Variants in KIRREL1 observed in about 807,000 individuals in gnomAD.
The protein encoded by KIRREL1 is kin of IRRE-like protein 1.
Under a neutral mutation model 83.3 loss-of-function variants are expected in KIRREL1, and 25 were observed. That is an observed-to-expected ratio of 0.30 (90% CI 0.22 to 0.42). KIRREL1 has a LOEUF of 0.42. Among genes scored for constraint, KIRREL1 ranks in the 10% least tolerant of loss-of-function variants. The pLI is 1.00. For synonymous variants in KIRREL1, 388 were observed against 410.4 expected (o/e 0.95, Z 0.66); for missense variants, 812 against 1,032.3 (o/e 0.79, Z 2.92).
rs1662389192 is a variant in KIRREL1, at chr1:158,097,666, C to T, written c.*2546C>T. 6.5e-6 allele frequency: 1 copy of T among 153,006 alleles called. No individual in the cohort carries two copies. The highest frequency in any genetic ancestry group is 2.4e-5 in the African/African-American group (1 of 41,454). 9.5% of individuals were successfully genotyped at this position (153,006 alleles called of 1,614,324 possible). On this transcript the variant is annotated 3_prime_UTR_variant, in exon 15 of 15. Transcript: ENST00000359209. ...GCATCAGAATCTGAATTGGAACCTACCTGATGGGCCCAGTGGAATAGCTTT... is the reference window on the plus strand; with the variant it reads ...GCATCAGAATCTGAATTGGAACCTATCTGATGGGCCCAGTGGAATAGCTTT...
chr1:158,094,379 T>A lies in KIRREL1; in HGVS notation c.1786T>A (p.Tyr596Asn). Reference sequence around the variant, plus strand: ...CGACACCATCGACACCCGGGAGGAGTATGAGATGAAGGTGGGAAAGGGGGA... The same window carrying A: ...CGACACCATCGACACCCGGGAGGAGAATGAGATGAAGGTGGGAAAGGGGGA... ...RCDTIDTREE[Y>N]EMKDPTNGYY... Residue 596 changes from tyrosine (Y) to asparagine (N), a missense_variant, in exon 14 of 15, where the codon TAT becomes AAT. Physicochemically the swap from Tyr to Asn is moderately radical, Grantham distance 143. Around this residue, in one of 3 missense-constraint regions of KIRREL1, gnomAD observed 334 missense variants for 383.7 expected, o/e 0.87. Transcript: ENST00000359209. This position sits in a 1 kb window ranked among gnomAD's most constrained non-coding sequence, Gnocchi z 4.6. 6.2e-7 allele frequency: 1 copy of A among 1,609,118 alleles called. No individual in the cohort carries two copies. The highest frequency in any genetic ancestry group is 8.5e-7 in the Non-Finnish European group (1 of 1,178,438).
At chr1:158,052,186 T>A (rs1004835927) in intron 1 of KIRREL1, among the ~76,000 whole-genome samples, 11 of 152,144 alleles carry the variant, frequency 7.2e-5, no homozygotes, top group African/African-American at 2.7e-4. Flanking sequence ...CTCTCTTCTC[T>A]TGAACTCTAG....
chr1:158,065,974 T>C (rs1387973620), intron 1 of KIRREL1, among the ~76,000 whole-genome samples: 1 of 152,198 alleles, frequency 6.6e-6, no homozygotes, highest in Non-Finnish European at 1.5e-5. Context: ...TTTTATCAAA[T>C]TTCCCAACCT....
chr1:158,057,987 A>C (rs1661110788), intron 1 of KIRREL1, among the ~76,000 whole-genome samples: 1 of 152,230 alleles, frequency 6.6e-6, no homozygotes, highest in Admixed American at 6.5e-5. Context: ...AAGCCCTTTG[A>C]TAAGCATGTA....
chr1:158,036,794 G>A (rs1159002158), intron 1 of KIRREL1, among the ~76,000 whole-genome samples: 1 of 152,204 alleles, frequency 6.6e-6, no homozygotes, highest in East Asian at 1.9e-4. Flanking sequence ...GCCTGAAGTA[G>A]GGGATAGAGA....
chr1:158,034,433 A>G (rs762104008), intron 1 of KIRREL1, among the ~76,000 whole-genome samples: 2 of 152,178 alleles, frequency 1.3e-5, no homozygotes, highest in African/African-American at 4.8e-5. Context: ...CCAAGCTTCA[A>G]TAGGATTCTG....
At chr1:158,029,768 G>A (rs1660273003) in intron 1 of KIRREL1, among the ~76,000 whole-genome samples, 1 of 152,218 alleles carries the variant, frequency 6.6e-6, no homozygotes, top group Non-Finnish European at 1.5e-5. Flanking sequence ...AGCTTACTGA[G>A]TCTCAGTTGC....
intron 1 of KIRREL1, among the ~76,000 whole-genome samples, chr1:158,061,358 G>A (rs547241340): frequency 6.6e-6 from 1 of 152,272 alleles, no homozygotes; most frequent in East Asian, 1.9e-4. Flanking sequence ...CAGAGACCAG[G>A]GACAACAGAG....
At chr1:158,031,458 C>T (rs1660325110) in intron 1 of KIRREL1, among the ~76,000 whole-genome samples, 5 of 152,174 alleles carry the variant, frequency 3.3e-5, no homozygotes, top group Admixed American at 3.3e-4. Context: ...CTCAGGTGCC[C>T]TCTAGGCTCA....
At chr1:158,089,870 A>G (rs905552425) in intron 10 of KIRREL1, 52 bp downstream of exon 10, 1 of 1,500,852 alleles carries the variant, frequency 6.7e-7, no homozygotes. Context: ...TTCTTTGCCC[A>G]GGCCCAGCCT....
chr1:158,062,057 A>G, intron 1 of KIRREL1, among the ~76,000 whole-genome samples: 1 of 152,146 alleles, frequency 6.6e-6, no homozygotes, highest in East Asian at 1.9e-4. Flanking sequence ...CTAAAGAGAA[A>G]GTTTCTCCAT....
In KIRREL1 at chr1:158,096,432, C is replaced by G. The variant is rs1005399441; in HGVS notation, c.*1312C>G. ...CACTTTCAGTGCCTTGAGTGTCAAG[C>G]TTTGGATGACCGACCCTATGTGGGC... On this transcript the variant is annotated 3_prime_UTR_variant, in exon 15 of 15. Transcript: ENST00000359209. 1 of 363,526 alleles carries G rather than the reference C, an allele frequency of 2.8e-6. No homozygotes were observed. The highest frequency in any genetic ancestry group is 5.5e-6 in the Non-Finnish European group (1 of 182,732). The allele number at this position is 363,526 out of a possible 1,614,324, so 22.5% of individuals were successfully genotyped here.
chr1:158,093,526 G>T (rs1487690960), intron 12 of KIRREL1, 80 bp downstream of exon 12: 1 of 1,602,540 alleles, frequency 6.2e-7, no homozygotes, highest in African/African-American at 1.3e-5. Flanking sequence ...GGGTGGATGG[G>T]AGGTTGGCCC....
chr1:158,010,396 T>TATACACACAC (rs1659648430), intron 1 of KIRREL1, among the ~76,000 whole-genome samples: 1 of 44,586 alleles, frequency 2.2e-5, no homozygotes, highest in African/African-American at 1.0e-4. Context: ...CACACATGCA[T>TATACACACAC]ACACACACAC....
At position 158,087,769 on chromosome 1, in the gene KIRREL1, AC is replaced by A. The variant is rs1485660589; in HGVS notation, c.679del (p.Leu227CysfsTer37). 1 of 1,613,740 alleles carries A rather than the reference AC, an allele frequency of 6.2e-7. No individual in the cohort carries two copies. The highest frequency in any genetic ancestry group is 1.3e-5 in the African/African-American group (1 of 74,990). ...CTACTTTGCAGACCCTCCTACAGTG[AC>A]CCTGTCCATTGAGCCACAGACGGTG... ...ELDVHHPPTV[T>X]LSIEPQTVQE... On this transcript the variant is annotated frameshift_variant, in exon 6 of 15. Transcript: ENST00000359209. LOFTEE classifies it high-confidence loss of function.
intron 1 of KIRREL1, among the ~76,000 whole-genome samples, chr1:158,057,994 T>C (rs1423345125): frequency 6.6e-6 from 1 of 152,232 alleles, no homozygotes; most frequent in East Asian, 1.9e-4. Context: ...TTGATAAGCA[T>C]GTAATTGCCT....
At chr1:158,092,585 G>C (rs1330784803) in intron 11 of KIRREL1, among the ~76,000 whole-genome samples, 1 of 152,094 alleles carries the variant, frequency 6.6e-6, no homozygotes, top group East Asian at 1.9e-4. Context: ...CTGACCTCAT[G>C]ATTCACCCAC....
At chr1:158,066,458 C>T (rs1158018830) in intron 1 of KIRREL1, among the ~76,000 whole-genome samples, 1 of 152,138 alleles carries the variant, frequency 6.6e-6, no homozygotes, top group Non-Finnish European at 1.5e-5. Flanking sequence ...CTCCTTTGCT[C>T]TCTATTTCTG....
At chr1:158,073,366 A>G (rs1661574636) in intron 1 of KIRREL1, among the ~76,000 whole-genome samples, 1 of 152,216 alleles carries the variant, frequency 6.6e-6, no homozygotes, top group Admixed American at 6.5e-5. Flanking sequence ...TCAGGTTTCC[A>G]GTTGTCCCTC....
Sources: gnomAD v4.1 joint callset for allele counts (sites outside exome capture counted in the v4.1 genomes callset) on GRCh38, gnomAD v4.1.1 for gene constraint, gnomAD v4.1.1 regional missense constraint, Gnocchi (gnomAD v3.1) non-coding constraint, MANE v1.5 for transcripts, NCBI Gene and HGNC (gene_info 2026-07-23, HGNC 2026-07-21) for gene names.